Variants in RNGTT observed in about 807,000 individuals in gnomAD.
The protein encoded by RNGTT is mRNA-capping enzyme.
In RNGTT, 33 loss-of-function variants were observed where a neutral mutation model predicts 79.3. That is an observed-to-expected ratio of 0.42 (90% CI 0.32 to 0.56). The LOEUF is 0.56. Among genes scored for constraint, RNGTT ranks in the 20% least tolerant of loss-of-function variants. The pLI, the probability that RNGTT is intolerant of heterozygous loss-of-function variation, is 0.17. For missense variants in RNGTT, 497 were observed against 739.1 expected, an observed-to-expected ratio of 0.67 and a Z score of 3.80; for synonymous variants, 222 against 235.9, an observed-to-expected ratio of 0.94 and a Z score of 0.54.
At chr6:88,696,061 A>G (rs1421946608) in intron 13 of RNGTT, among the ~76,000 whole-genome samples, 1 of 152,176 alleles carries the variant, frequency 6.6e-6, no homozygotes, top group African/African-American at 2.4e-5. Context: ...AAGAAGAAAA[A>G]GGTTTTTGGG....
chr6:88,845,174 A>T (rs1457951111), intron 10 of RNGTT, among the ~76,000 whole-genome samples: 1 of 152,154 alleles, frequency 6.6e-6, no homozygotes, highest in Non-Finnish European at 1.5e-5. Flanking sequence ...AGTTACCTAC[A>T]ATGTTTTTTG....
chr6:88,724,582 T>C (rs984197179), intron 13 of RNGTT, among the ~76,000 whole-genome samples: 1 of 152,148 alleles, frequency 6.6e-6, no homozygotes, highest in African/African-American at 2.4e-5. Context: ...AGATGGTTTC[T>C]GGATGAAACT....
chr6:88,845,720 C>T (rs1047466987), intron 10 of RNGTT, among the ~76,000 whole-genome samples: 1 of 152,122 alleles, frequency 6.6e-6, no homozygotes, highest in Non-Finnish European at 1.5e-5. Context: ...AGGATGACAA[C>T]TTTGATATTC....
At chr6:88,882,218 T>G (rs1480723135) in intron 8 of RNGTT, among the ~76,000 whole-genome samples, 2 of 152,238 alleles carry the variant, frequency 1.3e-5, no homozygotes, top group Non-Finnish European at 2.9e-5. Context: ...TCTGCTATCT[T>G]GTTTTCTCAG....
At chr6:88,643,922 C>T (rs1050696474) in intron 14 of RNGTT, among the ~76,000 whole-genome samples, 10 of 152,076 alleles carry the variant, frequency 6.6e-5, no homozygotes, top group Non-Finnish European at 1.2e-4. Context: ...AATTGACACC[C>T]TAACATCACA....
At position 88,713,807 on chromosome 6, in the gene RNGTT, G is replaced by T. The variant is rs142648930; in HGVS notation, c.1440-35388C>A. ...CATATGAAACAGGAGATATGATAAT[G>T]ATTTAACATTCTTGATGCATCAGAC... On this transcript the variant is annotated intron_variant, in intron 13 of 15. Coordinates refer to ENST00000369485, the MANE Select transcript of RNGTT (RefSeq NM_003800.5). Among the ~76,000 whole-genome samples, 312 of 152,234 alleles carry T rather than the reference G, an allele frequency of 2.0e-3. 2 individuals carry two copies. Among genetic ancestry groups the T allele is most frequent in the African/African-American group, 7.3e-3 (305 of 41,550 alleles).
intron 13 of RNGTT, among the ~76,000 whole-genome samples, chr6:88,684,360 A>C (rs1253354453): frequency 1.3e-5 from 2 of 152,182 alleles, no homozygotes; most frequent in Admixed American, 6.5e-5. Context: ...TTACCACATG[A>C]CCCAATAATC....
intron 11 of RNGTT, among the ~76,000 whole-genome samples, chr6:88,818,579 GA>G (rs1372626299): frequency 7.3e-5 from 11 of 151,720 alleles, no homozygotes; most frequent in African/African-American, 2.4e-4. Context: ...CCGACTCATA[GA>G]AAAAAAGAAA....
At chr6:88,632,190 G>A (rs1001562154) in intron 14 of RNGTT, among the ~76,000 whole-genome samples, 6 of 152,184 alleles carry the variant, frequency 3.9e-5, no homozygotes, top group East Asian at 1.9e-4. Context: ...TCAAACACCC[G>A]GGCTGAAGCA....
At chr6:88,771,869 A>G (rs1267113969) in intron 12 of RNGTT, among the ~76,000 whole-genome samples, 1 of 152,166 alleles carries the variant, frequency 6.6e-6, no homozygotes, top group Non-Finnish European at 1.5e-5. Flanking sequence ...AAAAAAAGGA[A>G]AGGACATTTT....
chr6:88,885,013 T>G (rs1782810384), intron 8 of RNGTT, among the ~76,000 whole-genome samples: 1 of 151,998 alleles, frequency 6.6e-6, no homozygotes, highest in Non-Finnish European at 1.5e-5. Context: ...TGCATTAGAT[T>G]TGGAAGTATC....
At chr6:88,680,127 CAT>C (rs1775036161) in intron 13 of RNGTT, among the ~76,000 whole-genome samples, 1 of 152,106 alleles carries the variant, frequency 6.6e-6, no homozygotes, top group African/African-American at 2.4e-5. Flanking sequence ...CTCGGCATGC[CAT>C]ACTGATATAA....
chr6:88,822,144 A>AT (rs1324096576), intron 11 of RNGTT, among the ~76,000 whole-genome samples: 1 of 152,084 alleles, frequency 6.6e-6, no homozygotes, highest in Non-Finnish European at 1.5e-5. Flanking sequence ...GAAAATCCAT[A>AT]TTTTTTCCCT....
At chr6:88,752,476 T>C (rs987946465) in intron 13 of RNGTT, among the ~76,000 whole-genome samples, 1 of 152,062 alleles carries the variant, frequency 6.6e-6, no homozygotes, top group Non-Finnish European at 1.5e-5. Context: ...CTATAACAAA[T>C]TGCTAATTTA....
At chr6:88,880,309 T>C (rs778751307) in intron 8 of RNGTT, among the ~76,000 whole-genome samples, 3 of 152,228 alleles carry the variant, frequency 2.0e-5, no homozygotes, top group Non-Finnish European at 2.9e-5. Flanking sequence ...AGAAGTATTA[T>C]ACAAATGTAC....
At chr6:88,758,965 G>A (rs1032884601) in intron 13 of RNGTT, among the ~76,000 whole-genome samples, 1 of 152,052 alleles carries the variant, frequency 6.6e-6, no homozygotes, top group Non-Finnish European at 1.5e-5. Flanking sequence ...TGCCATGTTG[G>A]TGTGCTTCAC....
intron 11 of RNGTT, among the ~76,000 whole-genome samples, chr6:88,814,149 C>T (rs1344449284): frequency 1.3e-5 from 2 of 151,860 alleles, no homozygotes; most frequent in African/African-American, 2.4e-5. Flanking sequence ...GACTTGTGTA[C>T]GTATTATGAA....
chr6:88,843,548 C>CTTTTTTTTT (rs11312733), intron 11 of RNGTT, among the ~76,000 whole-genome samples: 2 of 66,634 alleles, frequency 3.0e-5, no homozygotes, highest in African/African-American at 1.4e-4. Context: ...TAGTATGATT[C>CTTTTTTTTT]TTTTTTTTTT....
chr6:88,677,285 GAAAAAA>G (rs35139705), intron 14 of RNGTT, among the ~76,000 whole-genome samples: 1 of 109,222 alleles, frequency 9.2e-6, no homozygotes. Flanking sequence ...TGGAGACCAG[GAAAAAA>G]AAAAAAAAAA....
Sources: gnomAD v4.1 joint callset for allele counts (sites outside exome capture counted in the v4.1 genomes callset) on GRCh38, gnomAD v4.1.1 for gene constraint, MANE v1.5 for transcripts, NCBI Gene and HGNC (gene_info 2026-07-23, HGNC 2026-07-21) for gene names.